LMO2: variants seen among roughly 807,000 people sequenced by gnomAD.
The protein encoded by LMO2 is LIM domain only 2, also known as rhombotin-2.
In LMO2, 20 loss-of-function variants were observed where a neutral mutation model predicts 23.2. That is an observed-to-expected ratio of 0.86 (90% CI 0.61 to 1.25). The LOEUF (loss-of-function observed/expected upper bound fraction) is 1.25. LMO2 is among the 50% of genes most tolerant of loss of function. LMO2 has a pLI of 0.00. For synonymous variants in LMO2, 123 were observed against 130.2 expected (o/e 0.94, Z 0.38); for missense variants, 270 against 315.3 (o/e 0.86, Z 1.09).
At chr11:33,867,510 A>G (rs185167876) in intron 4 of LMO2, among the ~76,000 whole-genome samples, 2 of 152,338 alleles carry the variant, frequency 1.3e-5, no homozygotes, top group African/African-American at 4.8e-5. Flanking sequence ...TTAATATTTT[A>G]TATTCTCCCA....
intron 1 of LMO2, among the ~76,000 whole-genome samples, chr11:33,885,056 C>T (rs1391193404): frequency 6.6e-6 from 1 of 152,202 alleles, no homozygotes; most frequent in Non-Finnish European, 1.5e-5. Flanking sequence ...GAAGACTGCC[C>T]ATCACCTCTG....
chr11:33,871,184 A>C, intron 2 of LMO2: 5 of 285,288 alleles, frequency 1.8e-5, no homozygotes, highest in Non-Finnish European at 2.6e-5. Flanking sequence ...TGGGTCCCTA[A>C]TGGGTATAAT....
intron 2 of LMO2, among the ~76,000 whole-genome samples, chr11:33,877,706 C>G (rs1857168766): frequency 6.6e-6 from 1 of 151,984 alleles, no homozygotes; most frequent in Admixed American, 6.5e-5. Flanking sequence ...CTCAGGTGAT[C>G]TACACGCCTT....
Position 33,880,910 on chromosome 11 carries a change from G to A in LMO2, c.-272+914C>T, listed in dbSNP as rs973047514. The A allele has an allele frequency of 5.1e-5, 16 of 313,140 alleles. No individual in the cohort carries two copies. The highest frequency in any genetic ancestry group is 8.6e-5 in the East Asian group (1 of 11,670). 19.4% of individuals were successfully genotyped at this position (313,140 alleles called of 1,614,324 possible). A position where few individuals can be genotyped will look rare whatever the true frequency, so the allele number is the denominator to read the frequency against. On this transcript the variant is annotated intron_variant, in intron 2 of 5. Coordinates refer to ENST00000257818, the MANE Select transcript of LMO2 (RefSeq NM_005574.4). The surrounding 1 kb of genome is among the most constrained non-coding windows in gnomAD (Gnocchi z 4.3). ...AATCCCTGCCCACTTAGGACTTTTC[G>A]AATAGTGCTCATCCCTGACTTCTGG... is the stretch of plus-strand genomic sequence containing the variant.
intron 5 of LMO2, among the ~76,000 whole-genome samples, chr11:33,860,263 G>A (rs780844098): frequency 6.6e-6 from 1 of 152,138 alleles, no homozygotes; most frequent in African/African-American, 2.4e-5. Context: ...CATGGCCCTC[G>A]CTGCCCACTG....
Position 33,880,887 on chromosome 11 carries a change from TC to T in LMO2, c.-272+936del. 3.4e-6 allele frequency: 1 copy of T among 290,752 alleles called. No homozygotes were observed. The highest frequency in any genetic ancestry group is 3.1e-5 in the South Asian group (1 of 31,992). The allele number at this position is 290,752 out of a possible 1,614,324, so 18.0% of individuals were successfully genotyped here. Reference sequence around the variant, plus strand: ...CATTCTTCAGTGCAATCAGTGGCAATCCCTGCCCACTTAGGACTTTTCGAAT... The same window carrying T: ...CATTCTTCAGTGCAATCAGTGGCAATCCTGCCCACTTAGGACTTTTCGAAT... On this transcript the variant is annotated intron_variant, in intron 2 of 5. Coordinates refer to ENST00000257818, the MANE Select transcript of LMO2 (RefSeq NM_005574.4). The surrounding 1 kb of genome is among the most constrained non-coding windows in gnomAD (Gnocchi z 4.3).
intron 5 of LMO2, among the ~76,000 whole-genome samples, chr11:33,861,255 A>G (rs1856568591): frequency 6.6e-6 from 1 of 152,228 alleles, no homozygotes; most frequent in Non-Finnish European, 1.5e-5. Flanking sequence ...AACCTTTAGG[A>G]CAGTTTTAGG....
chr11:33,878,510 T>C (rs1428018529), intron 2 of LMO2, among the ~76,000 whole-genome samples: 1 of 152,186 alleles, frequency 6.6e-6, no homozygotes, highest in African/African-American at 2.4e-5. Context: ...CAATGATAAA[T>C]GTAGGGTTAG....
At chr11:33,870,938 G>T in intron 2 of LMO2, 1 of 438,316 alleles carries the variant, frequency 2.3e-6, no homozygotes, top group Non-Finnish European at 3.0e-6. Context: ...GAAAAACTTA[G>T]GCTCTCCTGG....
rs112620093 is a variant in LMO2 at position 33,875,019 on chromosome 11, T to C, written c.-271-5032A>G. On this transcript the variant is annotated intron_variant, in intron 2 of 5. Transcript: ENST00000257818. ...TTTTCTAGCTTGCTCCTTGGAGCAG[T>C]AGGAGTTTGAAAGCACCTCCCTAGT... Among the ~76,000 whole-genome samples, 1,281 of 152,348 alleles carry C rather than the reference T, an allele frequency of 8.4e-3. 21 individuals carry two copies. The highest frequency in any genetic ancestry group is 0.029 in the African/African-American group (1,215 of 41,582).
chr11:33,886,146 G>A (rs915816393), intron 1 of LMO2, among the ~76,000 whole-genome samples: 2 of 152,170 alleles, frequency 1.3e-5, no homozygotes, highest in African/African-American at 4.8e-5. Context: ...CCAAAGTGCT[G>A]GGATTACAGG....
intron 1 of LMO2, among the ~76,000 whole-genome samples, chr11:33,887,358 C>G (rs1263909854): frequency 6.7e-6 from 1 of 149,714 alleles, no homozygotes; most frequent in African/African-American, 2.6e-5. Context: ...TCATTACCGT[C>G]AATTTTCCAT....
chr11:33,859,697 C>T (rs761907751), intron 5 of LMO2, 122 bp from the exon 6 acceptor site: 17 of 837,144 alleles, frequency 2.0e-5, no homozygotes, highest in South Asian at 1.4e-4. Flanking sequence ...CAGGGAAGGT[C>T]GGCTCCAGAA....
rs1484195025 is a variant in LMO2, at chr11:33,858,827, A to G, written c.*529T>C. On this transcript the variant is annotated 3_prime_UTR_variant, in exon 6 of 6. Coordinates refer to ENST00000257818, the MANE Select transcript of LMO2 (RefSeq NM_005574.4). The stretch of plus-strand genomic sequence containing the variant: ...TCTCAACCGAAATGCGTCTCCATGC[A>G]GTTTTCCTTGGGTCCAAAGCTTAAG... 4.4e-6 allele frequency: 1 copy of G among 227,988 alleles called. No individual in the cohort carries two copies. The highest frequency in any genetic ancestry group is 8.7e-6 in the Non-Finnish European group (1 of 114,928). The allele number at this position is 227,988 out of a possible 1,614,324, so 14.1% of individuals were successfully genotyped here. A position where few individuals can be genotyped will look rare whatever the true frequency, so the allele number is the denominator to read the frequency against.
chr11:33,861,471 C>T (rs999364044), intron 5 of LMO2, among the ~76,000 whole-genome samples: 1 of 152,212 alleles, frequency 6.6e-6, no homozygotes. Flanking sequence ...CTGAATCCTG[C>T]TTTCCATTTG....
chr11:33,875,332 C>G (rs1241317274), intron 2 of LMO2, among the ~76,000 whole-genome samples: 3 of 152,132 alleles, frequency 2.0e-5, no homozygotes, highest in Non-Finnish European at 4.4e-5. Context: ...AATCCTGACA[C>G]TTTCGGAGGC....
At position 33,859,471 on chromosome 11, in the gene LMO2, T is replaced by G. The variant is rs570458390; in HGVS notation, c.569A>C (p.Lys190Thr). 1 of 1,614,108 alleles carries G rather than the reference T, an allele frequency of 6.2e-7. No homozygotes were observed. Residue 190 changes from lysine (K) to threonine (T), a missense_variant, in exon 6 of 6, where the codon AAA (lysine) becomes ACA (threonine). Lys to Thr is a moderately conservative substitution (Grantham distance 78). Around this residue, in one of 2 missense-constraint regions of LMO2, gnomAD observed 100 missense variants for 153.3 expected, o/e 0.65. Coordinates refer to ENST00000257818, the MANE Select transcript of LMO2 (RefSeq NM_005574.4). ...KDKVYHLECF[K>T]CAACQKHFCV... ...GAAATGCTTCTGACAGGCGGCGCAT[T>G]TGAAACATTCCAGGTGATACACTTT...
chr11:33,880,920 C>T lies in LMO2; in HGVS notation c.-272+904G>A, dbSNP rs916216784. 4 of 333,824 alleles carry T rather than the reference C, an allele frequency of 1.2e-5. No individual in the cohort carries two copies. Among genetic ancestry groups the T allele is most frequent in the African/African-American group, 8.6e-5 (4 of 46,250 alleles). The allele number at this position is 333,824 out of a possible 1,614,324, so 20.7% of individuals were successfully genotyped here. On this transcript the variant is annotated intron_variant, in intron 2 of 5. Coordinates refer to ENST00000257818, the MANE Select transcript of LMO2 (RefSeq NM_005574.4). This position sits in a 1 kb window ranked among gnomAD's most constrained non-coding sequence, Gnocchi z 4.3. Reference sequence around the variant, plus strand: ...CACTTAGGACTTTTCGAATAGTGCTCATCCCTGACTTCTGGATAAACTTCT... The same window carrying T: ...CACTTAGGACTTTTCGAATAGTGCTTATCCCTGACTTCTGGATAAACTTCT...
chr11:33,879,938 G>A (rs1857224396), intron 2 of LMO2, among the ~76,000 whole-genome samples: 1 of 151,884 alleles, frequency 6.6e-6, no homozygotes, highest in Non-Finnish European at 1.5e-5. Flanking sequence ...ACGGTATGCC[G>A]GTTCCTCAAA....
Sources: allele counts gnomAD v4.1 joint callset (sites outside exome capture counted in the v4.1 genomes callset), GRCh38; gene constraint gnomAD v4.1.1; regional missense constraint gnomAD v4.1.1; non-coding constraint Gnocchi (gnomAD v3.1); transcripts MANE v1.5; gene names NCBI Gene and HGNC (gene_info 2026-07-23, HGNC 2026-07-21).